ARHGAP29: variants seen among roughly 807,000 people sequenced by gnomAD.
ARHGAP29 encodes the protein Rho GTPase activating protein 29, also known as rho GTPase-activating protein 29.
A neutral mutation model predicts 122.6 loss-of-function variants in ARHGAP29; 43 were observed. The observed-to-expected ratio is 0.35, with a 90% CI of 0.27 to 0.45. ARHGAP29 has a LOEUF of 0.45. Ranked by LOEUF, ARHGAP29 falls within the 20% of genes least tolerant of loss-of-function variation. The pLI, the probability that ARHGAP29 is intolerant of heterozygous loss-of-function variation, is 1.00. For missense variants in ARHGAP29, 1,303 were observed against 1,477.2 expected, an observed-to-expected ratio of 0.88 and a Z score of 1.93; for synonymous variants, 506 against 497.1, an observed-to-expected ratio of 1.02 and a Z score of -0.24.
intron 1 of ARHGAP29, among the ~76,000 whole-genome samples, chr1:94,256,524 AACAG>A (rs1654352171): frequency 7.3e-6 from 1 of 136,458 alleles, no homozygotes; most frequent in Non-Finnish European, 1.5e-5. Flanking sequence ...AAATAGATTT[AACAG>A]TACTAATCTT....
chr1:94,263,395 T>TAAA (rs35165466), intron 1 of ARHGAP29, among the ~76,000 whole-genome samples: 6 of 148,476 alleles, frequency 4.0e-5, no homozygotes, highest in Admixed American at 6.7e-5. Flanking sequence ...ACTTAAAAGT[T>TAAA]AAAAAAAAAA....
chr1:94,241,680 A>G (rs1056248800), upstream of ARHGAP29, among the ~76,000 whole-genome samples: 3 of 137,852 alleles, frequency 2.2e-5, no homozygotes, highest in Admixed American at 8.0e-5. Flanking sequence ...TATATGATAT[A>G]TATAATTTAT....
At chr1:94,256,191 C>T (rs560011831) in intron 1 of ARHGAP29, among the ~76,000 whole-genome samples, 1 of 152,326 alleles carries the variant, frequency 6.6e-6, no homozygotes, top group Admixed American at 6.5e-5. Context: ...CTCCGACATA[C>T]CCACCAGCTC....
At chr1:94,296,186 C>A in the ARHGAP29 span, among the ~76,000 whole-genome samples, 9 of 152,168 alleles carry the variant, frequency 5.9e-5, no homozygotes, top group Admixed American at 2.6e-4. Context: ...ACAATGAAAT[C>A]TTGCTCCATC....
At chr1:94,177,289 G>A (rs370142406) in intron 22 of ARHGAP29, 7 of 196,846 alleles carry the variant, frequency 3.6e-5, no homozygotes, top group South Asian at 1.1e-4. Context: ...AGATACTAAC[G>A]AATATCACAT....
At chr1:94,258,693 C>A (rs371323950) in intron 1 of ARHGAP29, among the ~76,000 whole-genome samples, 1 of 152,180 alleles carries the variant, frequency 6.6e-6, no homozygotes, top group Non-Finnish European at 1.5e-5. Context: ...TTATAACTAG[C>A]GCTTCCTATG....
chr1:94,175,400 T>C (rs1467000806), intron 22 of ARHGAP29, among the ~76,000 whole-genome samples: 1 of 152,222 alleles, frequency 6.6e-6, no homozygotes, highest in Non-Finnish European at 1.5e-5. Context: ...TTCCTGCATC[T>C]ATCCTAAAAA....
chr1:94,311,424 C>T, the ARHGAP29 span, among the ~76,000 whole-genome samples: 5 of 152,106 alleles, frequency 3.3e-5, no homozygotes, highest in Non-Finnish European at 5.9e-5. Context: ...CTGGAGAGAA[C>T]GTGCCCTCGA....
At chr1:94,291,262 T>TTTGG in the ARHGAP29 span, among the ~76,000 whole-genome samples, 33 of 152,256 alleles carry the variant, frequency 2.2e-4, no homozygotes, top group South Asian at 2.3e-3. Flanking sequence ...TGTTTGTTTG[T>TTTGG]TTGGTTGTTT....
chr1:94,313,483 C>A, the ARHGAP29 span, among the ~76,000 whole-genome samples: 1 of 152,194 alleles, frequency 6.6e-6, no homozygotes, highest in Non-Finnish European at 1.5e-5. Flanking sequence ...CAGGAAACAA[C>A]AGATGCTGGA....
At chr1:94,272,002 G>A (rs142049382) in intron 1 of ARHGAP29, among the ~76,000 whole-genome samples, 1 of 152,252 alleles carries the variant, frequency 6.6e-6, no homozygotes, top group East Asian at 1.9e-4. Flanking sequence ...GACAATGGGG[G>A]CAGGGATGAG....
the ARHGAP29 span, among the ~76,000 whole-genome samples, chr1:94,311,767 A>G: frequency 6.6e-6 from 1 of 152,236 alleles, no homozygotes; most frequent in African/African-American, 2.4e-5. Flanking sequence ...AAATAAAAGC[A>G]TAGTAAGACA....
Position 94,220,386 on chromosome 1 carries a change from A to C in ARHGAP29, c.212T>G (p.Phe71Cys). ...TAGACGTATATGAATAACTTCTTTAAAACAGTCTTTAAAAAGAAAAAAAAA... is the reference window on the plus strand; with the variant it reads ...TAGACGTATATGAATAACTTCTTTACAACAGTCTTTAAAAAGAAAAAAAAA... ...YLKEAIFSDC[F>C]KEVIHIRLEE... The change falls in exon 3 of 23, where the codon TTT (phenylalanine) becomes TGT (cysteine). Residue 71 changes from phenylalanine (F) to cysteine (C), a missense_variant. By Grantham distance (205) the Phe-to-Cys change is radical (BLOSUM62 -2). Transcript: ENST00000260526. 1 of 1,591,872 alleles carries C rather than the reference A, an allele frequency of 6.3e-7. No homozygotes were observed. Among genetic ancestry groups the C allele is most frequent in the Non-Finnish European group, 8.5e-7 (1 of 1,170,356 alleles).
At chr1:94,209,161 T>C in intron 4 of ARHGAP29, 93 bp downstream of exon 4, 1 of 970,948 alleles carries the variant, frequency 1.0e-6, no homozygotes. Context: ...TACCATTTAA[T>C]ACTTCGTTTC....
In ARHGAP29 at chr1:94,201,882, A is replaced by AAC. The variant is rs747063864; in HGVS notation, c.1144-26_1144-25insGT. On this transcript the variant is annotated intron_variant, in intron 11 of 22. Transcript: ENST00000260526. ...CCTTCACAAATATCACAGAAAAAAAAATAACACTAGAATTTATATTTTAAA... is the reference window on the plus strand; with the variant it reads ...CCTTCACAAATATCACAGAAAAAAAAACATAACACTAGAATTTATATTTTAAA... 114 of 1,541,922 alleles carry AAC rather than the reference A, an allele frequency of 7.4e-5. 1 individual carries two copies. In the Middle Eastern group the frequency reaches 2.4e-3, roughly 33 times the overall value.
chr1:94,292,579 C>T, the ARHGAP29 span, among the ~76,000 whole-genome samples: 1 of 152,194 alleles, frequency 6.6e-6, no homozygotes, highest in Non-Finnish European at 1.5e-5. Flanking sequence ...GATTTCTCTC[C>T]ATCTTTTGGT....
the ARHGAP29 span, chr1:94,303,096 C>T: frequency 6.4e-6 from 1 of 157,310 alleles, no homozygotes; most frequent in African/African-American, 2.4e-5. Context: ...TGGGAAGTCC[C>T]TGCCACACAG....
At chr1:94,217,273 CCTGTAAT>C (rs1304518265) in intron 3 of ARHGAP29, among the ~76,000 whole-genome samples, 9 of 152,144 alleles carry the variant, frequency 5.9e-5, no homozygotes, top group African/African-American at 2.2e-4. Flanking sequence ...GTGGCTCATG[CCTGTAAT>C]CCCAGCACTT....
chr1:94,173,156 C>A lies in ARHGAP29; in HGVS notation c.*713G>T, dbSNP rs949586795. On this transcript the variant is annotated 3_prime_UTR_variant, in exon 23 of 23. Coordinates refer to ENST00000260526, the MANE Select transcript of ARHGAP29 (RefSeq NM_004815.4). ...GAAAAACTATCAAATGTATTAAAAC[C>A]ATCTAAAGCCAAATATAATATAACT... 5.9e-5 allele frequency: 9 copies of A among 152,510 alleles called. No homozygotes were observed. Among genetic ancestry groups the A allele is most frequent in the African/African-American group, 1.9e-4 (8 of 41,406 alleles). The allele number at this position is 152,510 out of a possible 1,614,324, so 9.4% of individuals were successfully genotyped here.
Sources: allele counts gnomAD v4.1 joint callset (sites outside exome capture counted in the v4.1 genomes callset), GRCh38; gene constraint gnomAD v4.1.1; transcripts MANE v1.5; gene names NCBI Gene and HGNC (gene_info 2026-07-23, HGNC 2026-07-21).